DAG1: variants seen among roughly 807,000 people sequenced by gnomAD.
DAG1 encodes the protein dystroglycan 1 (dystrophin-associated glycoprotein 1).
DAG1 carries 8 observed loss-of-function variants against 46.1 expected under a neutral mutation model. The ratio of observed to expected loss-of-function variants is 0.17; its 90% CI spans 0.10 to 0.31. DAG1 has a LOEUF of 0.31. Ranked by LOEUF, DAG1 falls within the 10% of genes least tolerant of loss-of-function variation. The probability of loss-of-function intolerance (pLI) is 1.00; values close to 1 mark genes in which losing one functional copy is unlikely to be tolerated. For missense variants in DAG1, 1,003 were observed against 1,189.9 expected (o/e 0.84, Z 2.31); for synonymous variants, 495 against 481.8 (o/e 1.03, Z -0.36).
intron 2 of DAG1, among the ~76,000 whole-genome samples, chr3:49,512,666 T>TA (rs1291641190): frequency 4.0e-5 from 6 of 150,226 alleles, no homozygotes; most frequent in Admixed American, 1.3e-4. Flanking sequence ...CCCAGCTAAT[T>TA]AAAAAAAAAT....
chr3:49,470,694 C>T (rs1489150453), intron 1 of DAG1: 3 of 152,272 alleles, frequency 2.0e-5, no homozygotes, highest in African/African-American at 4.8e-5. Context: ...CAGGCCTTAG[C>T]TCGGCCCGCG....
chr3:49,510,569 C>G lies in DAG1; in HGVS notation c.35C>G (p.Pro12Arg), dbSNP rs375203941. Reference protein sequence around the residue: ...RMSVGLSLLLPLSGRTFLLLL... With the variant: ...RMSVGLSLLLRLSGRTFLLLL... ...TCTGTGGGCCTCTCGCTGCTGCTGC[C>G]CCTCTCGGGGAGGACCTTTCTCCTC... Residue 12 changes from proline (P) to arginine (R), a missense_variant, in exon 2 of 3, where the codon CCC (proline) becomes CGC (arginine). Physicochemically the swap from Pro to Arg is moderately radical, Grantham distance 103 (BLOSUM62 -2). This residue lies in a region of DAG1 where 196 missense variants were observed against 239.1 expected (regional missense o/e 0.82). Transcript: ENST00000308775. 6.2e-6 allele frequency: 10 copies of G among 1,613,748 alleles called. No individual in the cohort carries two copies. The highest frequency in any genetic ancestry group is 8.5e-6 in the Non-Finnish European group (10 of 1,179,988).
At chr3:49,510,327 G>T in intron 1 of DAG1, 92 bp from the exon 2 acceptor site, 1 of 614,722 alleles carries the variant, frequency 1.6e-6, no homozygotes, top group Middle Eastern at 4.3e-4. Flanking sequence ...CCAACTCGGG[G>T]TAGATGTTTT....
At position 49,532,499 on chromosome 3, in the gene DAG1, C is replaced by T. The variant is rs1229619249; in HGVS notation, c.1988C>T (p.Thr663Ile). ...GSIVVEWTNNTLPLEPCPKEQ... is the reference protein window; with the variant it reads ...GSIVVEWTNNILPLEPCPKEQ... ...ATCGTGGTGGAATGGACCAACAACA[C>T]ACTGCCCTTGGAGCCCTGCCCCAAG... is the stretch of plus-strand genomic sequence containing the variant. The change falls in exon 3 of 3, where the codon ACA (threonine) becomes ATA (isoleucine). Residue 663 changes from threonine (T) to isoleucine (I), a missense_variant. By Grantham distance (89) the Thr-to-Ile change is moderately conservative. Coordinates refer to ENST00000308775, the MANE Select transcript of DAG1 (RefSeq NM_004393.6). This position sits in a 1 kb window ranked among gnomAD's most constrained non-coding sequence, Gnocchi z 5.4. 1 of 1,614,090 alleles carries T rather than the reference C, an allele frequency of 6.2e-7. No homozygotes were observed. Among genetic ancestry groups the T allele is most frequent in the Non-Finnish European group, 8.5e-7 (1 of 1,180,048 alleles).
chr3:49,511,079 T>A, intron 2 of DAG1: 2 of 704,102 alleles, frequency 2.8e-6, no homozygotes, highest in Non-Finnish European at 3.5e-6. Flanking sequence ...GAACACTGAT[T>A]TAGGGATTTG....
At chr3:49,485,663 T>C (rs1399412330) in intron 1 of DAG1, among the ~76,000 whole-genome samples, 14 of 141,964 alleles carry the variant, frequency 9.9e-5, no homozygotes, top group African/African-American at 2.8e-4. Flanking sequence ...CTTTCTTTTT[T>C]TTTTTTTTTT....
At chr3:49,521,384 C>G (rs2051023459) in intron 2 of DAG1, among the ~76,000 whole-genome samples, 1 of 152,112 alleles carries the variant, frequency 6.6e-6, no homozygotes. Flanking sequence ...CCAGGATGGT[C>G]TCGATCTCCT....
In DAG1 at chr3:49,534,243, G is replaced by T. The variant is rs1203235043; in HGVS notation, c.*1044G>T. ...CGGTTTTTTGAAACACTCAGTGGGG[G>T]ACATTTTGGTGAAGATGCAATATTT... On this transcript the variant is annotated 3_prime_UTR_variant, in exon 3 of 3. Coordinates refer to ENST00000308775, the MANE Select transcript of DAG1 (RefSeq NM_004393.6). 6.6e-6 allele frequency: 1 copy of T among 152,562 alleles called. No individual in the cohort carries two copies. Among genetic ancestry groups the T allele is most frequent in the African/African-American group, 2.4e-5 (1 of 41,432 alleles). The allele number at this position is 152,562 out of a possible 1,614,324, so 9.5% of individuals were successfully genotyped here.
intron 1 of DAG1, 32 bp from the exon 2 acceptor site, chr3:49,510,387 C>T: frequency 1.3e-6 from 1 of 783,800 alleles, no homozygotes; most frequent in Non-Finnish European, 2.2e-6. Flanking sequence ...TGGAATTGCT[C>T]AAGTCTAAAC....
At position 49,532,505 on chromosome 3, in the gene DAG1, C is replaced by G; in HGVS notation, c.1994C>G (p.Pro665Arg). ...GTGGAATGGACCAACAACACACTGC[C>G]CTTGGAGCCCTGCCCCAAGGAGCAG... is the stretch of plus-strand genomic sequence containing the variant. ...IVVEWTNNTL[P>R]LEPCPKEQIA... Residue 665 changes from proline (P) to arginine (R), a missense_variant, in exon 3 of 3, where the codon CCC (proline) becomes CGC (arginine). This residue lies in a region of DAG1 where 755 missense variants were observed against 854.1 expected (regional missense o/e 0.88). Transcript: ENST00000308775. The surrounding 1 kb of genome is among the most constrained non-coding windows in gnomAD (Gnocchi z 5.4). 1 of 1,614,220 alleles carries G rather than the reference C, an allele frequency of 6.2e-7. No individual in the cohort carries two copies. Among genetic ancestry groups the G allele is most frequent in the Non-Finnish European group, 8.5e-7 (1 of 1,180,042 alleles).
intron 2 of DAG1, among the ~76,000 whole-genome samples, chr3:49,514,180 T>C (rs1444645576): frequency 5.3e-5 from 8 of 152,112 alleles, no homozygotes; most frequent in Non-Finnish European, 1.0e-4. Flanking sequence ...ATTATATGGG[T>C]TGGGGAGTCA....
chr3:49,494,855 G>T (rs1011535106), intron 1 of DAG1, among the ~76,000 whole-genome samples: 1 of 150,440 alleles, frequency 6.6e-6, no homozygotes, highest in African/African-American at 2.5e-5. Context: ...GGATGGTCTC[G>T]ATCTCTTGAC....
At chr3:49,476,505 T>A (rs780312375) in intron 1 of DAG1, among the ~76,000 whole-genome samples, 4 of 152,276 alleles carry the variant, frequency 2.6e-5, no homozygotes, top group Admixed American at 1.3e-4. Flanking sequence ...GCAGGAAAAT[T>A]GCCTGAACCT....
intron 1 of DAG1, among the ~76,000 whole-genome samples, chr3:49,501,968 T>C (rs6766581): frequency 0.29 from 43,398 of 152,136 alleles, 6,711 homozygotes; most frequent in Middle Eastern, 0.31. Context: ...CTTGAGCCCA[T>C]GAGTTTGAAA....
chr3:49,484,566 T>C (rs768178858), intron 1 of DAG1, among the ~76,000 whole-genome samples: 7 of 152,150 alleles, frequency 4.6e-5, no homozygotes, highest in Non-Finnish European at 1.0e-4. Flanking sequence ...TGTGGAGGGC[T>C]CTGCTGCCCT....
rs187488869 is a variant in DAG1, at chr3:49,528,353, C to T, written c.286-2444C>T. ...AGGCTGGAGTGCAGTGGTGTGGTCT[C>T]CGCTCACTGCAGCCTCTGTCTCCTG... On this transcript the variant is annotated intron_variant, in intron 2 of 2. Transcript: ENST00000308775. 5.5e-5 allele frequency among the ~76,000 whole-genome samples: 7 copies of T among 127,098 alleles called. No individual in the cohort carries two copies. In the East Asian group the frequency reaches 1.3e-3, roughly 24 times the overall value. 83.4% of individuals were successfully genotyped at this position (127,098 alleles called of 152,430 possible).
At chr3:49,498,054 A>C (rs896143771) in intron 1 of DAG1, among the ~76,000 whole-genome samples, 2 of 152,146 alleles carry the variant, frequency 1.3e-5, no homozygotes, top group Non-Finnish European at 2.9e-5. Flanking sequence ...TTTATGTTTG[A>C]TAGAATGTGT....
intron 1 of DAG1, among the ~76,000 whole-genome samples, chr3:49,499,275 G>C (rs1236712573): frequency 6.6e-6 from 1 of 152,010 alleles, no homozygotes; most frequent in African/African-American, 2.4e-5. Context: ...AGTGGCCTGT[G>C]CCTGTAGTCT....
At chr3:49,505,020 G>A (rs1575379154) in intron 1 of DAG1, among the ~76,000 whole-genome samples, 1 of 149,602 alleles carries the variant, frequency 6.7e-6, no homozygotes, top group South Asian at 2.1e-4. Context: ...TTTTGAGACA[G>A]GGTCTTGCTC....
Sources: allele counts gnomAD v4.1 joint callset (sites outside exome capture counted in the v4.1 genomes callset), GRCh38; gene constraint gnomAD v4.1.1; regional missense constraint gnomAD v4.1.1; non-coding constraint Gnocchi (gnomAD v3.1); transcripts MANE v1.5; gene names NCBI Gene and HGNC (gene_info 2026-07-23, HGNC 2026-07-21).